SSX2IP: variants seen among roughly 807,000 people sequenced by gnomAD.
SSX2IP encodes the protein afadin- and alpha-actinin-binding protein.
In SSX2IP, 55 loss-of-function variants were observed where a neutral mutation model predicts 84.9. The ratio of observed to expected loss-of-function variants is 0.65; its 90% CI spans 0.52 to 0.81. The LOEUF is 0.81. Among genes scored for constraint, SSX2IP ranks in the 30% least tolerant of loss-of-function variants. SSX2IP has a pLI of 0.00. For synonymous variants in SSX2IP, 239 were observed against 234.7 expected, an observed-to-expected ratio of 1.02 and a Z score of -0.17; for missense variants, 664 against 705.2, an observed-to-expected ratio of 0.94 and a Z score of 0.66.
At chr1:84,688,869 G>C (rs1456794899) in intron 1 of SSX2IP, among the ~76,000 whole-genome samples, 1 of 152,226 alleles carries the variant, frequency 6.6e-6, no homozygotes, top group Non-Finnish European at 1.5e-5. Context: ...GTTGGGGAAA[G>C]AGAAGGGAAG....
intron 13 of SSX2IP, 118 bp from the exon 14 acceptor site, chr1:84,647,725 C>CAA: frequency 2.5e-6 from 1 of 395,858 alleles, no homozygotes; most frequent in Non-Finnish European, 4.0e-6. Flanking sequence ...AAATCTAGGC[C>CAA]AAAAATATAA....
At chr1:84,652,022 A>T in intron 11 of SSX2IP, 25 bp from the exon 12 acceptor site, 1 of 1,514,436 alleles carries the variant, frequency 6.6e-7, no homozygotes, top group Non-Finnish European at 9.2e-7. Flanking sequence ...CAAAGAAATA[A>T]TGATCAATAT....
In SSX2IP at chr1:84,666,230, T is replaced by G; in HGVS notation, c.429A>C (p.Glu143Asp). 1 of 1,607,204 alleles carries G rather than the reference T, an allele frequency of 6.2e-7. No individual in the cohort carries two copies. The highest frequency in any genetic ancestry group is 8.5e-7 in the Non-Finnish European group (1 of 1,177,394). ...HLQSCYSKLK[E>D]QLETSRREMI... is the part of the protein sequence containing the mutation. ...TTTCCCTCCTGGAGGTTTCCAGTTG[T>G]TCCTAAAACATTTATAAGCAATTTT... The change falls in exon 5 of 14, where the codon GAA becomes GAC. Residue 143 changes from glutamate (E) to aspartate (D), a missense_variant and splice_region_variant. Physicochemically the swap from Glu to Asp is conservative, Grantham distance 45 (BLOSUM62 2). Coordinates refer to ENST00000342203, the MANE Select transcript of SSX2IP (RefSeq NM_001166293.2).
At position 84,655,875 on chromosome 1, in the gene SSX2IP, T is replaced by G. The variant is rs1358419957; in HGVS notation, c.1346A>C (p.Glu449Ala). 6.2e-7 allele frequency: 1 copy of G among 1,613,896 alleles called. No homozygotes were observed. The highest frequency in any genetic ancestry group is 8.5e-7 in the Non-Finnish European group (1 of 1,179,924). ...AGCGGCTTCTGTAAAGCTTCGTCTC[T>G]CCCTCTCAAAATTCTTTTTCTGCTC... ...FKEQKKNFER[E>A]RRSFTEAAIR... Residue 449 changes from glutamate to alanine, a missense_variant, in exon 11 of 14, where the codon GAG becomes GCG. Glu to Ala is a moderately radical substitution (Grantham distance 107, BLOSUM62 -1). Coordinates refer to ENST00000342203, the MANE Select transcript of SSX2IP (RefSeq NM_001166293.2).
chr1:84,651,642 C>T (rs1226765185), intron 12 of SSX2IP, among the ~76,000 whole-genome samples: 2 of 152,006 alleles, frequency 1.3e-5, no homozygotes, highest in Non-Finnish European at 1.5e-5. Flanking sequence ...ACAAGATAAT[C>T]GCGTGAAGCT....
chr1:84,668,967 T>C (rs1376042807), intron 4 of SSX2IP, among the ~76,000 whole-genome samples: 1 of 152,150 alleles, frequency 6.6e-6, no homozygotes, highest in Admixed American at 6.6e-5. Context: ...GATTGATTTA[T>C]ATTATACCCT....
At chr1:84,670,870 A>T in intron 2 of SSX2IP, 55 bp from the exon 3 acceptor site, 1 of 1,389,654 alleles carries the variant, frequency 7.2e-7, no homozygotes, top group Non-Finnish European at 9.9e-7. Flanking sequence ...ATGTAAAGCT[A>T]ACATAATCGC....
intron 1 of SSX2IP, among the ~76,000 whole-genome samples, chr1:84,685,352 G>C (rs989291435): frequency 6.6e-6 from 1 of 152,196 alleles, no homozygotes; most frequent in African/African-American, 2.4e-5. Context: ...ATTTGCAAAG[G>C]ATCCATGGAT....
Position 84,644,939 on chromosome 1 carries a change from T to C in SSX2IP, c.*2494A>G, listed in dbSNP as rs1649302465. 6.6e-6 allele frequency: 1 copy of C among 152,268 alleles called. No individual in the cohort carries two copies. Among genetic ancestry groups the C allele is most frequent in the Non-Finnish European group, 1.5e-5 (1 of 68,046 alleles). The allele number at this position is 152,268 out of a possible 1,614,324, so 9.4% of individuals were successfully genotyped here. A position where few individuals can be genotyped will look rare whatever the true frequency, so the allele number is the denominator to read the frequency against. On this transcript the variant is annotated 3_prime_UTR_variant, in exon 14 of 14. Transcript: ENST00000342203. ...TTGTTAAATTTTAGTCATAATTTCATTGTTTCTCATCATAGACTGCAGATG... is the reference window on the plus strand; with the variant it reads ...TTGTTAAATTTTAGTCATAATTTCACTGTTTCTCATCATAGACTGCAGATG...
intron 1 of SSX2IP, among the ~76,000 whole-genome samples, chr1:84,681,465 A>G (rs964287510): frequency 1.3e-5 from 2 of 152,200 alleles, no homozygotes; most frequent in African/African-American, 4.8e-5. Flanking sequence ...CTACCTATAT[A>G]TATTTAGGGG....
At chr1:84,683,107 A>T (rs1195652083) in intron 1 of SSX2IP, among the ~76,000 whole-genome samples, 2 of 151,556 alleles carry the variant, frequency 1.3e-5, no homozygotes, top group African/African-American at 4.9e-5. Context: ...ACACCCTACT[A>T]TCTTTAGTAC....
chr1:84,669,600 A>C, intron 4 of SSX2IP, 81 bp downstream of exon 4: 1 of 1,197,478 alleles, frequency 8.4e-7, no homozygotes, highest in African/African-American at 1.6e-5. Context: ...GAAAACCCTG[A>C]AATATTTAAT....
intron 9 of SSX2IP, 96 bp downstream of exon 9, chr1:84,658,222 T>TCTA: frequency 7.3e-7 from 1 of 1,374,046 alleles, no homozygotes. Context: ...TATAGTACTT[T>TCTA]AGCTCTGAGC....
chr1:84,682,282 C>T (rs1364113779), intron 1 of SSX2IP, among the ~76,000 whole-genome samples: 4 of 152,092 alleles, frequency 2.6e-5, no homozygotes, highest in Non-Finnish European at 4.4e-5. Flanking sequence ...ACTGAGAGAG[C>T]GCTGGACTGA....
chr1:84,662,331 T>C lies in SSX2IP; in HGVS notation c.794A>G (p.Tyr265Cys). The change falls in exon 8 of 14, where the codon TAT (tyrosine) becomes TGT (cysteine). Residue 265 changes from tyrosine (Y) to cysteine (C), a missense_variant. By Grantham distance (194) the Tyr-to-Cys change is radical. Transcript: ENST00000342203. ...TTCCATTAGGATTTGTTTCTGACGA[T>C]ATTCATAATCATTCAAGAGAATTTT... Reference protein sequence around the residue: ...MYKILLNDYEYRQKQILMENA... With the variant: ...MYKILLNDYECRQKQILMENA... 1 of 1,608,698 alleles carries C rather than the reference T, an allele frequency of 6.2e-7. No individual in the cohort carries two copies. Among genetic ancestry groups the C allele is most frequent in the Non-Finnish European group, 8.5e-7 (1 of 1,178,054 alleles).
At chr1:84,656,137 G>A (rs529966791) in intron 10 of SSX2IP, 132 bp from the exon 11 acceptor site, 735 of 1,009,302 alleles carry the variant, frequency 7.3e-4, no homozygotes, top group Non-Finnish European at 9.6e-4. Flanking sequence ...AAAGTCAAAT[G>A]AGAATTCTCA....
chr1:84,663,513 T>C (rs921673188), intron 6 of SSX2IP, among the ~76,000 whole-genome samples: 8 of 152,214 alleles, frequency 5.3e-5, no homozygotes, highest in Non-Finnish European at 1.0e-4. Context: ...TGAATCTTCA[T>C]TTCTATTTTT....
chr1:84,653,476 T>A (rs1042414616), intron 11 of SSX2IP, among the ~76,000 whole-genome samples: 4 of 152,176 alleles, frequency 2.6e-5, no homozygotes, highest in Non-Finnish European at 5.9e-5. Context: ...CTATGCCCAC[T>A]GTCCCAGTGA....
intron 6 of SSX2IP, 110 bp downstream of exon 6, chr1:84,664,307 A>G: frequency 2.6e-6 from 3 of 1,142,722 alleles, no homozygotes; most frequent in Non-Finnish European, 3.5e-6. Context: ...CAATTGTATA[A>G]AGCATGAAAA....
Sources: gnomAD v4.1 joint callset for allele counts (sites outside exome capture counted in the v4.1 genomes callset) on GRCh38, gnomAD v4.1.1 for gene constraint, MANE v1.5 for transcripts, NCBI Gene and HGNC (gene_info 2026-07-23, HGNC 2026-07-21) for gene names.